The following CECR2 variants were observed in gnomAD, a reference collection of about 807,000 sequenced individuals.
The protein encoded by CECR2 is CECR2 histone acetyl-lysine reader, also known as chromatin remodeling regulator CECR2.
A neutral mutation model predicts 154.5 loss-of-function variants in CECR2; 30 were observed. That is an observed-to-expected ratio of 0.19 (90% CI 0.15 to 0.26). The LOEUF (loss-of-function observed/expected upper bound fraction) is 0.26. CECR2 is among the 10% of genes least tolerant of loss of function. CECR2 has a pLI of 1.00. For synonymous variants in CECR2, 725 were observed against 683.7 expected, an observed-to-expected ratio of 1.06 and a Z score of -0.94; for missense variants, 1,743 against 1,829.3, an observed-to-expected ratio of 0.95 and a Z score of 0.86.
At chr22:17,515,966 C>T (rs920834011) in intron 8 of CECR2, among the ~76,000 whole-genome samples, 2 of 152,198 alleles carry the variant, frequency 1.3e-5, no homozygotes, top group African/African-American at 4.8e-5. Flanking sequence ...TGAGCCACCA[C>T]GCCCGGCCAG....
At chr22:17,510,732 G>T (rs777221820) in intron 7 of CECR2, among the ~76,000 whole-genome samples, 1 of 152,158 alleles carries the variant, frequency 6.6e-6, no homozygotes, top group South Asian at 2.1e-4. Flanking sequence ...CTCCTGAGTA[G>T]CTGGGACTAC....
chr22:17,510,121 T>A (rs2055916259), intron 7 of CECR2, among the ~76,000 whole-genome samples: 2 of 152,188 alleles, frequency 1.3e-5, no homozygotes, highest in South Asian at 4.1e-4. Flanking sequence ...GATGCGGCGA[T>A]GGGAAAGTGC....
chr22:17,503,056 TG>T (rs1267519786), intron 5 of CECR2, 25 bp from the exon 6 acceptor site: 3 of 1,607,084 alleles, frequency 1.9e-6, no homozygotes, highest in East Asian at 2.2e-5. Flanking sequence ...TTGTTTTAAT[TG>T]GCACCTCTTT....
chr22:17,555,007 CTT>C lies in CECR2; in HGVS notation c.*2168_*2169del, dbSNP rs2056757936. 6.6e-6 allele frequency: 1 copy of C among 152,298 alleles called. No individual in the cohort carries two copies. The highest frequency in any genetic ancestry group is 6.5e-5 in the Admixed American group (1 of 15,288). 9.4% of individuals were successfully genotyped at this position (152,298 alleles called of 1,614,324 possible). A position where few individuals can be genotyped will look rare whatever the true frequency, so the allele number is the denominator to read the frequency against. ...GCTGGTTTGAATCAGAGGCCTCTCACTTCTCCTTAACAGGAGCACTGACACTG... is the reference window on the plus strand; with the variant it reads ...GCTGGTTTGAATCAGAGGCCTCTCACCTCCTTAACAGGAGCACTGACACTG... On this transcript the variant is annotated 3_prime_UTR_variant, in exon 19 of 19. Transcript: ENST00000262608.
intron 11 of CECR2, 30 bp downstream of exon 11, chr22:17,538,587 G>T (rs771729843): frequency 4.5e-5 from 72 of 1,613,360 alleles, no homozygotes; most frequent in Non-Finnish European, 8.5e-7. Flanking sequence ...TGTTCTGTTT[G>T]TGATAGAAGT....
upstream of CECR2, among the ~76,000 whole-genome samples, chr22:17,366,990 T>C (rs1450266708): frequency 2.6e-5 from 4 of 152,070 alleles, no homozygotes; most frequent in African/African-American, 9.7e-5. Context: ...AAAGTTGGTG[T>C]GCTGGGCCAC....
intron 1 of CECR2, among the ~76,000 whole-genome samples, chr22:17,391,058 A>G (rs1362570995): frequency 1.3e-5 from 2 of 152,230 alleles, no homozygotes; most frequent in Non-Finnish European, 2.9e-5. Context: ...ATTTGAAAGT[A>G]AGTCGACTGT....
chr22:17,370,095 C>T (rs1296765762), intron 1 of CECR2, among the ~76,000 whole-genome samples, 186 bp downstream of exon 1: 1 of 150,320 alleles, frequency 6.7e-6, no homozygotes, highest in Non-Finnish European at 1.5e-5. Context: ...TGCCCGGGTG[C>T]CGAGGGGCGT....
intron 7 of CECR2, among the ~76,000 whole-genome samples, chr22:17,510,118 C>T (rs576693545): frequency 8.5e-5 from 13 of 152,254 alleles, no homozygotes; most frequent in East Asian, 5.8e-4. Flanking sequence ...ACAGATGCGG[C>T]GATGGGAAAG....
chr22:17,543,201 C>T (rs1035219430), intron 16 of CECR2, among the ~76,000 whole-genome samples, 198 bp downstream of exon 16: 4 of 152,114 alleles, frequency 2.6e-5, no homozygotes, highest in East Asian at 1.9e-4. Flanking sequence ...GGTGTGATTT[C>T]GGCTCACTGC....
At chr22:17,541,681 CG>C (rs1375601158) in intron 14 of CECR2, among the ~76,000 whole-genome samples, 157 bp from the exon 15 acceptor site, 1 of 152,150 alleles carries the variant, frequency 6.6e-6, no homozygotes, top group Non-Finnish European at 1.5e-5. Context: ...AGCCCTGATG[CG>C]GGTGAGCACG....
In CECR2 at chr22:17,557,151, T is replaced by TC. The variant is rs1601226298; in HGVS notation, c.*4311_*4312insC. Reference sequence around the variant, plus strand: ...ATCCCGTTTTTTTTCTTTTCTTTTTTTTTTTTTTTTTTTTGAGACGAAATC... The same window carrying TC: ...ATCCCGTTTTTTTTCTTTTCTTTTTTCTTTTTTTTTTTTTTGAGACGAAATC... On this transcript the variant is annotated 3_prime_UTR_variant, in exon 19 of 19. Transcript: ENST00000262608. 7.0e-6 allele frequency: 1 copy of TC among 142,830 alleles called. No homozygotes were observed. 8.8% of individuals were successfully genotyped at this position (142,830 alleles called of 1,614,324 possible).
chr22:17,490,145 T>TGTGTGTGTGTG (rs370040041), intron 2 of CECR2, among the ~76,000 whole-genome samples: 18 of 94,356 alleles, frequency 1.9e-4, no homozygotes, highest in African/African-American at 6.1e-4. Flanking sequence ...ACTGTTTTTT[T>TGTGTGTGTGTG]TTTGTGTGTG....
chr22:17,422,445 C>T (rs1320142150), intron 1 of CECR2, among the ~76,000 whole-genome samples: 2 of 152,096 alleles, frequency 1.3e-5, no homozygotes, highest in Non-Finnish European at 2.9e-5. Context: ...TCAGGTGATC[C>T]GCCTGCCTCA....
At chr22:17,501,787 G>A (rs1382882501) in intron 5 of CECR2, among the ~76,000 whole-genome samples, 3 of 152,140 alleles carry the variant, frequency 2.0e-5, no homozygotes, top group Non-Finnish European at 2.9e-5. Flanking sequence ...ACCTGTCTCC[G>A]TTTCCCCATA....
At chr22:17,499,611 C>T (rs964710663) in intron 4 of CECR2, 62 bp downstream of exon 4, 3 of 1,475,136 alleles carry the variant, frequency 2.0e-6, no homozygotes, top group South Asian at 2.7e-5. Flanking sequence ...AGATTAAATG[C>T]ATCAGAATTC....
intron 7 of CECR2, among the ~76,000 whole-genome samples, chr22:17,509,917 C>T (rs1430133529): frequency 1.3e-5 from 2 of 152,266 alleles, no homozygotes; most frequent in East Asian, 3.9e-4. Flanking sequence ...GTCCTCTAAA[C>T]TTTGAAATAA....
chr22:17,526,246 A>C (rs1299984060), intron 9 of CECR2, among the ~76,000 whole-genome samples: 2 of 152,248 alleles, frequency 1.3e-5, no homozygotes, highest in Non-Finnish European at 2.9e-5. Flanking sequence ...ACCTGACTTC[A>C]AATTGTATTT....
At chr22:17,535,363 C>T (rs1395164580) in intron 9 of CECR2, among the ~76,000 whole-genome samples, 1 of 152,070 alleles carries the variant, frequency 6.6e-6, no homozygotes, top group Non-Finnish European at 1.5e-5. Context: ...ATGGACACCC[C>T]TTTGACAGTG....
Sources: gnomAD v4.1 joint callset for allele counts (sites outside exome capture counted in the v4.1 genomes callset) on GRCh38, gnomAD v4.1.1 for gene constraint, MANE v1.5 for transcripts, NCBI Gene and HGNC (gene_info 2026-07-23, HGNC 2026-07-21) for gene names.